The following FIGNL2 variants were observed in gnomAD, a reference collection of about 807,000 sequenced individuals.
FIGNL2 encodes the protein fidgetin-like protein 2.
For synonymous variants in FIGNL2, 565 were observed against 484.0 expected (o/e 1.17, Z -2.20); for missense variants, 1,060 against 950.2 (o/e 1.12, Z -1.52).
Position 51,821,637 on chromosome 12 carries a change from G to A in FIGNL2, c.777C>T (p.Ala259=), listed in dbSNP as rs764236315. The A allele has an allele frequency of 1.9e-5, 28 of 1,481,202 alleles. No homozygotes were observed. The highest frequency in any genetic ancestry group is 2.5e-5 in the Non-Finnish European group (28 of 1,122,026). 91.8% of individuals were successfully genotyped at this position (1,481,202 alleles called of 1,614,324 possible). A position where few individuals can be genotyped will look rare whatever the true frequency, so the allele number is the denominator to read the frequency against. ...AYGFPTAAPG[A]ESGLSLKRKA... is the part of the protein sequence containing the mutation. The stretch of plus-strand genomic sequence containing the variant: ...TGCGCTTCAGCGACAGCCCGGATTC[G>A]GCACCCGGCGCGGCCGTGGGGAAGC... Residue 259 remains alanine, a synonymous_variant, in exon 2 of 2, where the codon GCC becomes GCT. Transcript: ENST00000618634.
At chr12:51,846,882 C>A in intron 1 of FIGNL2, 1 of 656,948 alleles carries the variant, frequency 1.5e-6, no homozygotes, top group Non-Finnish European at 1.9e-6. Context: ...TCCCGTCTGC[C>A]TTGGATGCCA....
intron 1 of FIGNL2, among the ~76,000 whole-genome samples, chr12:51,822,799 C>A (rs1939253465): frequency 6.6e-6 from 1 of 152,144 alleles, no homozygotes; most frequent in African/African-American, 2.4e-5. Flanking sequence ...TCCCAGCCCT[C>A]GGAATAGTCA....
intron 1 of FIGNL2, among the ~76,000 whole-genome samples, chr12:51,829,830 GGA>G (rs889325418): frequency 7.9e-5 from 12 of 151,624 alleles, no homozygotes; most frequent in Non-Finnish European, 1.5e-4. Context: ...AGAGAGGGAG[GGA>G]GAGAGGGAGG....
rs967846214 is a variant in FIGNL2 at position 51,847,346 on chromosome 12, C to A, written c.-12+1194G>T. The A allele has an allele frequency of 1.2e-5, 12 of 985,362 alleles. No homozygotes were observed. The African/African-American group carries it at 2.1e-4, about 17-fold the overall frequency. The allele number at this position is 985,362 out of a possible 1,614,324, so 61.0% of individuals were successfully genotyped here. On this transcript the variant is annotated intron_variant, in intron 1 of 1. Transcript: ENST00000618634. ...ACGGCCCAGGAACCGGGAAGCCCAC[C>A]TGCGCCGTAAGCCCAGAGTTGGGCT...
At chr12:51,840,597 T>C (rs1170020406) in intron 1 of FIGNL2, among the ~76,000 whole-genome samples, 1 of 152,004 alleles carries the variant, frequency 6.6e-6, no homozygotes, top group African/African-American at 2.4e-5. Context: ...TAGCTGGGTG[T>C]GGTGGCACAT....
At chr12:51,822,588 A>G (rs1565942841) in intron 1 of FIGNL2, among the ~76,000 whole-genome samples, 164 bp from the exon 2 acceptor site, 1 of 152,206 alleles carries the variant, frequency 6.6e-6, no homozygotes, top group Non-Finnish European at 1.5e-5. Context: ...TCCAGGCACC[A>G]AATACACTTC....
At chr12:51,833,116 C>T (rs1293306604) in intron 1 of FIGNL2, among the ~76,000 whole-genome samples, 8 of 152,106 alleles carry the variant, frequency 5.3e-5, no homozygotes, top group South Asian at 2.1e-4. Flanking sequence ...GGCGTGATCA[C>T]GGCTCACTGC....
In FIGNL2 at chr12:51,834,253, T is replaced by C. The variant is rs144255649; in HGVS notation, c.-11-11829A>G. 4.4e-4 allele frequency among the ~76,000 whole-genome samples: 67 copies of C among 151,988 alleles called. 2 individuals are homozygous for C. The East Asian group carries it at 0.012, about 28-fold the overall frequency. On this transcript the variant is annotated intron_variant, in intron 1 of 1. Transcript: ENST00000618634. ...GGTGGCAAGGGGTGAAGCCAGGGGC[T>C]CACCTCAGGAATGGATAGGGGAGGG...
Position 51,818,394 on chromosome 12 carries a change from A to C in FIGNL2, c.*2058T>G, listed in dbSNP as rs1939090937. ...TCCACCCACCCCCACCCCCCAATAC[A>C]TACACACCTGAGAGAGAACCCCTCA... On this transcript the variant is annotated 3_prime_UTR_variant, in exon 2 of 2. Transcript: ENST00000618634. The C allele has an allele frequency of 2.1e-5, 3 of 146,118 alleles. No individual in the cohort carries two copies. The highest frequency in any genetic ancestry group is 2.2e-4 in the South Asian group (1 of 4,520). The allele number at this position is 146,118 out of a possible 1,614,324, so 9.1% of individuals were successfully genotyped here.
chr12:51,847,360 C>T, intron 1 of FIGNL2: 1 of 985,472 alleles, frequency 1.0e-6, no homozygotes, highest in Non-Finnish European at 1.2e-6. Context: ...GCCGTAAGCC[C>T]AGAGTTGGGC....
chr12:51,822,080 G>A lies in FIGNL2; in HGVS notation c.334C>T (p.His112Tyr), dbSNP rs538261719. 1.9e-4 allele frequency: 299 copies of A among 1,611,142 alleles called. 3 individuals carry two copies. The highest frequency in any genetic ancestry group is 3.3e-4 in the Middle Eastern group (2 of 6,070). The change falls in exon 2 of 2, where the codon CAC becomes TAC. Residue 112 changes from histidine to tyrosine, a missense_variant. His to Tyr is a moderately conservative substitution (Grantham distance 83, BLOSUM62 2). Transcript: ENST00000618634. ...PEPPYPLASL[H>Y]EGLPGTKSGG... The stretch of plus-strand genomic sequence containing the variant: ...GATTTGGTTCCTGGGAGGCCTTCGT[G>A]GAGTGAGGCCAAGGGGTAGGGTGGC...
At chr12:51,845,696 T>C (rs1939737587) in intron 1 of FIGNL2, 3 of 984,870 alleles carry the variant, frequency 3.0e-6, no homozygotes, top group Non-Finnish European at 1.2e-6. Flanking sequence ...GCCTGTCTCT[T>C]GCCCTCCCTG....
At chr12:51,839,851 C>T (rs1164838287) in intron 1 of FIGNL2, among the ~76,000 whole-genome samples, 3 of 152,222 alleles carry the variant, frequency 2.0e-5, no homozygotes, top group Non-Finnish European at 4.4e-5. Context: ...CTGCAGCTCT[C>T]TCTCTACCCT....
At chr12:51,845,372 G>A (rs1404754974) in intron 1 of FIGNL2, 1 of 728,884 alleles carries the variant, frequency 1.4e-6, no homozygotes, top group Non-Finnish European at 1.7e-6. Context: ...TCCCTCACCA[G>A]ACAGCCAGCT....
intron 1 of FIGNL2, among the ~76,000 whole-genome samples, chr12:51,834,873 C>G (rs1010280784): frequency 6.6e-6 from 1 of 152,212 alleles, no homozygotes; most frequent in Non-Finnish European, 1.5e-5. Context: ...CCATCGTTTT[C>G]GTCCTCACAA....
At position 51,821,291 on chromosome 12, in the gene FIGNL2, G is replaced by T. The variant is rs1440438878; in HGVS notation, c.1123C>A (p.Leu375Met). The change falls in exon 2 of 2, where the codon CTG becomes ATG. Residue 375 changes from leucine to methionine, a missense_variant. Transcript: ENST00000618634. ...ETPKGVDPGA[L>M]ELVTSKMVDC... ...ACCATCTTGCTCGTCACCAGCTCCA[G>T]GGCCCCAGGGTCCACGCCTTTGGGA... is the stretch of plus-strand genomic sequence containing the variant. The T allele has an allele frequency of 1.3e-6, 2 of 1,523,434 alleles. No homozygotes were observed. Among genetic ancestry groups the T allele is most frequent in the Non-Finnish European group, 1.8e-6 (2 of 1,141,224 alleles). 94.4% of individuals were successfully genotyped at this position (1,523,434 alleles called of 1,614,324 possible).
At chr12:51,824,976 G>A (rs1462533716) in intron 1 of FIGNL2, among the ~76,000 whole-genome samples, 3 of 152,002 alleles carry the variant, frequency 2.0e-5, no homozygotes, top group Non-Finnish European at 4.4e-5. Flanking sequence ...CCCGGGTGGC[G>A]GAGGTTACAG....
At chr12:51,847,285 A>T in intron 1 of FIGNL2, 1 of 985,270 alleles carries the variant, frequency 1.0e-6, no homozygotes. Context: ...GGCCCAGCCC[A>T]CTCCAGAGAC....
At chr12:51,829,860 GGAAT>G (rs1939419392) in intron 1 of FIGNL2, among the ~76,000 whole-genome samples, 1 of 152,002 alleles carries the variant, frequency 6.6e-6, no homozygotes, top group African/African-American at 2.4e-5. Context: ...AGGAAAAAAA[GGAAT>G]GAAAGAGAAT....
Sources: gnomAD v4.1 joint callset for allele counts (sites outside exome capture counted in the v4.1 genomes callset) on GRCh38, gnomAD v4.1.1 for gene constraint, MANE v1.5 for transcripts, NCBI Gene and HGNC (gene_info 2026-07-23, HGNC 2026-07-21) for gene names.